MCU: variants seen among roughly 807,000 people sequenced by gnomAD.
MCU encodes the protein mitochondrial calcium uniporter, also known as calcium uniporter protein, mitochondrial.
A neutral mutation model predicts 45.2 loss-of-function variants in MCU; 12 were observed. The ratio of observed to expected loss-of-function variants is 0.27; its 90% CI spans 0.17 to 0.43. The LOEUF is 0.43. MCU is among the 20% of genes least tolerant of loss of function. MCU has a pLI of 1.00. For missense variants in MCU, 324 were observed against 436.7 expected (o/e 0.74, Z 2.30); for synonymous variants, 160 against 165.1 (o/e 0.97, Z 0.24).
intron 1 of MCU, among the ~76,000 whole-genome samples, chr10:72,818,159 A>G (rs966761320): frequency 2.6e-5 from 4 of 152,226 alleles, no homozygotes; most frequent in African/African-American, 9.6e-5. Context: ...ATTAGATTGA[A>G]AAATTTGATT....
intron 1 of MCU, among the ~76,000 whole-genome samples, chr10:72,786,809 T>TC (rs1844078588): frequency 6.6e-6 from 1 of 152,308 alleles, no homozygotes; most frequent in South Asian, 2.1e-4. Context: ...CACTGCTTTT[T>TC]CAGTTTTCTC....
At chr10:72,762,156 T>C (rs1173349096) in intron 1 of MCU, among the ~76,000 whole-genome samples, 2 of 152,026 alleles carry the variant, frequency 1.3e-5, no homozygotes, top group Non-Finnish European at 2.9e-5. Flanking sequence ...CTAGATTAAA[T>C]CAGGAAGAAA....
At chr10:72,850,422 A>G (rs1265242307) in intron 2 of MCU, among the ~76,000 whole-genome samples, 1 of 152,208 alleles carries the variant, frequency 6.6e-6, no homozygotes, top group Non-Finnish European at 1.5e-5. Context: ...TTCCTTGTGT[A>G]CCAAGTCCCT....
At chr10:72,729,670 G>A (rs1589435196) in intron 1 of MCU, among the ~76,000 whole-genome samples, 2 of 152,136 alleles carry the variant, frequency 1.3e-5, no homozygotes, top group East Asian at 1.9e-4. Context: ...CTTTCATACT[G>A]TAGAGTGGTA....
intron 1 of MCU, chr10:72,720,902 A>G (rs1843013087): frequency 6.6e-6 from 1 of 152,162 alleles, no homozygotes; most frequent in Non-Finnish European, 1.5e-5. Flanking sequence ...CATCCAACTA[A>G]CAGTCTTAAT....
chr10:72,804,022 AT>A (rs1844383408), intron 1 of MCU, among the ~76,000 whole-genome samples: 1 of 6,214 alleles, frequency 1.6e-4, no homozygotes, highest in Non-Finnish European at 3.4e-4. Context: ...AAGTAAATAT[AT>A]ATATATATAT....
intron 1 of MCU, among the ~76,000 whole-genome samples, chr10:72,724,323 A>G (rs1368735245): frequency 6.6e-6 from 1 of 152,234 alleles, no homozygotes; most frequent in Non-Finnish European, 1.5e-5. Context: ...AAGCTTTAAT[A>G]TGTTTTTCTC....
At chr10:72,863,059 C>G (rs373739973) in intron 4 of MCU, among the ~76,000 whole-genome samples, 6 of 152,220 alleles carry the variant, frequency 3.9e-5, no homozygotes, top group Admixed American at 1.3e-4. Context: ...TTTCTCTCCA[C>G]TGTGTATTCC....
rs1223353312 is a variant in MCU, at chr10:72,767,972, G to A, written c.151-66387G>A. Among the ~76,000 whole-genome samples, 4 of 152,096 alleles carry A rather than the reference G, an allele frequency of 2.6e-5. No individual in the cohort carries two copies. The East Asian group carries it at 7.7e-4, about 29-fold the overall frequency. On this transcript the variant is annotated intron_variant, in intron 1 of 7. Transcript: ENST00000373053. ...GATGTTAGATGATCAGATCAACTTG[G>A]AAAAACAATATTTGAGGGAACATAG...
intron 1 of MCU, among the ~76,000 whole-genome samples, chr10:72,739,582 T>G (rs943724558): frequency 6.6e-6 from 1 of 152,226 alleles, no homozygotes; most frequent in Non-Finnish European, 1.5e-5. Flanking sequence ...CAACTTCTTA[T>G]GTTCCCAAAG....
intron 1 of MCU, among the ~76,000 whole-genome samples, chr10:72,710,543 GTT>G (rs555887994): frequency 3.2e-4 from 27 of 84,290 alleles, no homozygotes; most frequent in Admixed American, 1.0e-3. Context: ...ATCACCTAAG[GTT>G]TTTTTTTTTT....
intron 6 of MCU, among the ~76,000 whole-genome samples, 165 bp downstream of exon 6, chr10:72,871,745 G>A (rs146462934): frequency 7.1e-4 from 108 of 152,278 alleles, no homozygotes; most frequent in African/African-American, 2.3e-3. Context: ...CTAAGCAAGT[G>A]CTGTAGATGG....
intron 2 of MCU, among the ~76,000 whole-genome samples, chr10:72,838,001 C>T (rs973318544): frequency 4.6e-5 from 7 of 151,554 alleles, no homozygotes; most frequent in South Asian, 2.1e-4. Context: ...GGACTACAGG[C>T]GCTCACTACC....
intron 1 of MCU, among the ~76,000 whole-genome samples, chr10:72,722,861 A>G (rs1024892200): frequency 6.6e-6 from 1 of 152,232 alleles, no homozygotes; most frequent in Non-Finnish European, 1.5e-5. Context: ...TTTCCTTATC[A>G]AAGCTTAATT....
At chr10:72,796,126 T>G (rs537516526) in intron 1 of MCU, among the ~76,000 whole-genome samples, 60 of 152,246 alleles carry the variant, frequency 3.9e-4, no homozygotes, top group African/African-American at 1.4e-3. Context: ...TGCAGTACTT[T>G]AACATTTCTC....
chr10:72,882,214 A>C (rs1247574527), intron 6 of MCU, among the ~76,000 whole-genome samples: 1 of 152,178 alleles, frequency 6.6e-6, no homozygotes, highest in Non-Finnish European at 1.5e-5. Flanking sequence ...GAAGTATGTC[A>C]CCTCAGGACC....
intron 4 of MCU, chr10:72,861,676 T>TTA: frequency 2.6e-6 from 1 of 381,720 alleles, no homozygotes; most frequent in Non-Finnish European, 5.0e-6. Flanking sequence ...TTTTTTTTTT[T>TTA]AGTAGAGATG....
intron 1 of MCU, among the ~76,000 whole-genome samples, chr10:72,773,160 G>A (rs1301920680): frequency 6.6e-6 from 1 of 152,142 alleles, no homozygotes; most frequent in Non-Finnish European, 1.5e-5. Context: ...GCCTTTCAAA[G>A]TGCTGGGATT....
intron 1 of MCU, among the ~76,000 whole-genome samples, chr10:72,834,061 G>C (rs553480280): frequency 6.6e-6 from 1 of 152,294 alleles, no homozygotes; most frequent in South Asian, 2.1e-4. Flanking sequence ...GTTTTTAAAA[G>C]TACATAAAAC....
Sources: gnomAD v4.1 joint callset for allele counts (sites outside exome capture counted in the v4.1 genomes callset) on GRCh38, gnomAD v4.1.1 for gene constraint, MANE v1.5 for transcripts, NCBI Gene and HGNC (gene_info 2026-07-23, HGNC 2026-07-21) for gene names.